Variants in ESR1 observed in about 807,000 individuals in gnomAD.
ESR1 encodes estrogen receptor 1.
In ESR1, 12 loss-of-function variants were observed where a neutral mutation model predicts 52.7. The ratio of observed to expected loss-of-function variants is 0.23; its 90% CI spans 0.15 to 0.37. The LOEUF (loss-of-function observed/expected upper bound fraction) is 0.37. Among genes scored for constraint, ESR1 ranks in the 10% least tolerant of loss-of-function variants. ESR1 has a pLI of 1.00. For missense variants in ESR1, 584 were observed against 779.7 expected (o/e 0.75, Z 2.99); for synonymous variants, 305 against 316.8 (o/e 0.96, Z 0.39).
rs1024141837 is a variant in ESR1 at position 151,958,632 on chromosome 6, A to G, written c.1096+14124A>G. ...CGATTTGACTGTTGAGATTCTGTGC[A>G]CATGAGATTGTACTGTGTACATGTT... On this transcript the variant is annotated intron_variant, in intron 4 of 7. Transcript: ENST00000206249. 1.6e-4 allele frequency among the ~76,000 whole-genome samples: 25 copies of G among 152,346 alleles called. No individual in the cohort carries two copies. The East Asian group carries it at 4.4e-3, about 27-fold the overall frequency.
At chr6:151,866,777 G>T (rs1010965641) in intron 2 of ESR1, among the ~76,000 whole-genome samples, 1 of 152,160 alleles carries the variant, frequency 6.6e-6, no homozygotes, top group Admixed American at 6.6e-5. Context: ...GAATAGTGCT[G>T]CAGTAAACAT....
At chr6:151,669,211 A>AGG (rs1777960193) in intron 1 of ESR1, among the ~76,000 whole-genome samples, 1 of 101,918 alleles carries the variant, frequency 9.8e-6, no homozygotes, top group African/African-American at 3.4e-5. Context: ...GGGAGAACAG[A>AGG]ACAAGTGAGA....
At chr6:151,898,706 A>G (rs1194137905) in intron 3 of ESR1, among the ~76,000 whole-genome samples, 1 of 152,176 alleles carries the variant, frequency 6.6e-6, no homozygotes, top group East Asian at 1.9e-4. Context: ...CAGAGAGCAC[A>G]GGGTTGGGGG....
In ESR1 at chr6:151,669,146, G is replaced by GGGAGAGAGAGAGAGAGAGAGAGAGGGAGA. The variant is rs1562319391; in HGVS notation, n.73+12407_73+12408insGGAGAGGAGAGAGAGAGAGAGAGAGAGAG. Among the ~76,000 whole-genome samples, 106 of 133,490 alleles carry GGGAGAGAGAGAGAGAGAGAGAGAGGGAGA rather than the reference G, an allele frequency of 7.9e-4. 5 individuals are homozygous for GGGAGAGAGAGAGAGAGAGAGAGAGGGAGA. The highest frequency in any genetic ancestry group is 2.3e-3 in the African/African-American group (81 of 34,516). The allele number at this position is 133,490 out of a possible 152,430, so 87.6% of individuals were successfully genotyped here. A position where few individuals can be genotyped will look rare whatever the true frequency, so the allele number is the denominator to read the frequency against. ...AGTGGTAGGAAGCTCTTTGGGAGCT[G>GGGAGAGAGAGAGAGAGAGAGAGAGGGAGA]GGAGAGAGAGAGAGAGAGAGAGAGA... On this transcript the variant is annotated intron_variant and non_coding_transcript_variant, in intron 1 of 2. Coordinates refer to the ESR1 transcript ENST00000473497.
At chr6:151,929,229 GT>G (rs1223566318) in intron 3 of ESR1, among the ~76,000 whole-genome samples, 1 of 152,080 alleles carries the variant, frequency 6.6e-6, no homozygotes, top group Non-Finnish European at 1.5e-5. Context: ...TGCTTCATGT[GT>G]TTTGATTCAC....
chr6:151,802,992 CAAAA>C (rs34766229), upstream of ESR1, among the ~76,000 whole-genome samples: 18 of 120,814 alleles, frequency 1.5e-4, no homozygotes, highest in East Asian at 4.0e-3. Flanking sequence ...AACTCTGTCT[CAAAA>C]AAAAAAAAAA....
chr6:151,940,585 G>C (rs959180848), intron 3 of ESR1, among the ~76,000 whole-genome samples: 3 of 152,150 alleles, frequency 2.0e-5, no homozygotes, highest in Non-Finnish European at 4.4e-5. Context: ...AGCCATCTAA[G>C]TAGTCTGCTC....
intron 2 of ESR1, among the ~76,000 whole-genome samples, chr6:151,868,537 C>T (rs1790378798): frequency 1.3e-5 from 2 of 151,580 alleles, no homozygotes; most frequent in Middle Eastern, 3.2e-3. Flanking sequence ...TATTTAGCTC[C>T]CACTTATAAG....
chr6:152,107,146 T>G (rs2152512703), downstream of ESR1, among the ~76,000 whole-genome samples: 1 of 152,346 alleles, frequency 6.6e-6, no homozygotes, highest in African/African-American at 2.4e-5. Context: ...GTCATCAAAC[T>G]TGGGAAGTTT....
At chr6:151,990,119 TAA>T (rs1023630360) in intron 4 of ESR1, among the ~76,000 whole-genome samples, 35 of 152,206 alleles carry the variant, frequency 2.3e-4, no homozygotes, top group East Asian at 1.2e-3. Context: ...TTAATAAATA[TAA>T]GTTTATTGAA....
At chr6:152,017,505 A>T (rs1042290273) in intron 5 of ESR1, among the ~76,000 whole-genome samples, 3 of 152,152 alleles carry the variant, frequency 2.0e-5, no homozygotes, top group Non-Finnish European at 4.4e-5. Context: ...TTACAAGAGG[A>T]AAGTTAAAGA....
intron 5 of ESR1, among the ~76,000 whole-genome samples, chr6:152,018,513 C>T (rs563927914): frequency 1.0e-3 from 152 of 151,920 alleles, no homozygotes; most frequent in African/African-American, 3.4e-3. Flanking sequence ...CCTTTATATT[C>T]CCTCTTCAAA....
intron 2 of ESR1, among the ~76,000 whole-genome samples, chr6:151,724,145 C>T (rs1241222098): frequency 6.6e-6 from 1 of 151,998 alleles, no homozygotes; most frequent in Non-Finnish European, 1.5e-5. Flanking sequence ...GCGACAGATG[C>T]CTCTAAAGGC....
intron 5 of ESR1, among the ~76,000 whole-genome samples, chr6:152,023,039 T>C (rs558534238): frequency 4.0e-5 from 6 of 150,518 alleles, no homozygotes; most frequent in African/African-American, 1.2e-4. Context: ...ACCAGAGAGA[T>C]GGACAGGAGT....
At chr6:151,766,392 G>T in intron 2 of ESR1, among the ~76,000 whole-genome samples, 1 of 152,008 alleles carries the variant, frequency 6.6e-6, no homozygotes, top group South Asian at 2.1e-4. Context: ...GAGATAGGAG[G>T]ATTGCTTGAG....
At chr6:151,668,510 C>T (rs186742845) in intron 1 of ESR1, among the ~76,000 whole-genome samples, 421 of 152,246 alleles carry the variant, frequency 2.8e-3, no homozygotes, top group Middle Eastern at 0.01. Flanking sequence ...GTCTTGATCT[C>T]CTGACCTCGT....
chr6:151,758,081 T>C (rs1003869386), intron 2 of ESR1, among the ~76,000 whole-genome samples: 1 of 152,238 alleles, frequency 6.6e-6, no homozygotes, highest in African/African-American at 2.4e-5. Flanking sequence ...GCAGGCCATA[T>C]GAATTCTTTG....
intron 2 of ESR1, among the ~76,000 whole-genome samples, chr6:151,850,030 ATATATATATATAATTT>A (rs1460273896): frequency 1.0e-4 from 8 of 77,892 alleles, no homozygotes; most frequent in East Asian, 4.1e-4. Flanking sequence ...ATACAAAATT[ATATATATATATAATTT>A]TATATATATA....
Position 151,862,455 on chromosome 6 carries a change from A to T in ESR1, c.644-18200A>T, listed in dbSNP as rs78572113. Reference sequence around the variant, plus strand: ...ATGGGGCTGTTACCATGCAATGGATAGAAACTAGGATGCTCCTGTGTGTCT... The same window carrying T: ...ATGGGGCTGTTACCATGCAATGGATTGAAACTAGGATGCTCCTGTGTGTCT... On this transcript the variant is annotated intron_variant, in intron 2 of 7. Coordinates refer to ENST00000206249, the MANE Select transcript of ESR1 (RefSeq NM_000125.4). Among the ~76,000 whole-genome samples, 619 of 152,300 alleles carry T rather than the reference A, an allele frequency of 4.1e-3. 2 individuals are homozygous for T. The highest frequency in any genetic ancestry group is 0.014 in the African/African-American group (584 of 41,578).
Sources: gnomAD v4.1 joint callset for allele counts (sites outside exome capture counted in the v4.1 genomes callset) on GRCh38, gnomAD v4.1.1 for gene constraint, MANE v1.5 for transcripts, NCBI Gene and HGNC (gene_info 2026-07-23, HGNC 2026-07-21) for gene names.